GRIA1: variants seen among roughly 807,000 people sequenced by gnomAD.
GRIA1 encodes the protein glutamate receptor 1.
Under a neutral mutation model 99.2 loss-of-function variants are expected in GRIA1, and 31 were observed. That is an observed-to-expected ratio of 0.31 (90% CI 0.23 to 0.42). GRIA1 has a LOEUF of 0.42. GRIA1 is among the 10% of genes least tolerant of loss of function. The pLI, the probability that GRIA1 is intolerant of heterozygous loss-of-function variation, is 1.00. For synonymous variants in GRIA1, 438 were observed against 432.4 expected, an observed-to-expected ratio of 1.01 and a Z score of -0.16; for missense variants, 782 against 1,157.5, an observed-to-expected ratio of 0.68 and a Z score of 4.71.
chr5:153,741,192 A>T (rs903162002), intron 11 of GRIA1, among the ~76,000 whole-genome samples: 4 of 151,740 alleles, frequency 2.6e-5, no homozygotes, highest in East Asian at 1.9e-4. Flanking sequence ...GCCAGGATGG[A>T]CTCGATCTCC....
At chr5:153,786,276 C>T (rs890455451) in intron 13 of GRIA1, among the ~76,000 whole-genome samples, 1 of 151,960 alleles carries the variant, frequency 6.6e-6, no homozygotes, top group African/African-American at 2.4e-5. Context: ...CTGTTCTAAC[C>T]TCATCTCCCC....
intron 2 of GRIA1, among the ~76,000 whole-genome samples, chr5:153,594,274 A>C (rs1159359092): frequency 6.6e-6 from 1 of 152,130 alleles, no homozygotes; most frequent in Non-Finnish European, 1.5e-5. Flanking sequence ...CTTCAGTTTT[A>C]AGAGATTTTC....
At chr5:153,636,516 G>T (rs981935568) in intron 2 of GRIA1, among the ~76,000 whole-genome samples, 3 of 152,124 alleles carry the variant, frequency 2.0e-5, no homozygotes, top group Non-Finnish European at 4.4e-5. Context: ...TATAAAAGTA[G>T]CACTGAGTAG....
chr5:153,664,996 A>C (rs1372790678), intron 5 of GRIA1, among the ~76,000 whole-genome samples: 1 of 152,246 alleles, frequency 6.6e-6, no homozygotes, highest in Non-Finnish European at 1.5e-5. Context: ...TGGGAACTGT[A>C]GCCATAAGGG....
chr5:153,546,081 A>G (rs765303624), intron 2 of GRIA1, among the ~76,000 whole-genome samples: 31 of 152,180 alleles, frequency 2.0e-4, no homozygotes, highest in Non-Finnish European at 3.2e-4. Context: ...TTCCAATATA[A>G]CAAACATCTT....
chr5:153,557,311 C>T (rs1379019138), intron 2 of GRIA1, among the ~76,000 whole-genome samples: 1 of 152,156 alleles, frequency 6.6e-6, no homozygotes, highest in Non-Finnish European at 1.5e-5. Flanking sequence ...GTCACCCAGG[C>T]TAGAGTGCAA....
At chr5:153,567,396 C>A (rs546568812) in intron 2 of GRIA1, among the ~76,000 whole-genome samples, 1 of 152,224 alleles carries the variant, frequency 6.6e-6, no homozygotes, top group South Asian at 2.1e-4. Context: ...GGTGGGGAGG[C>A]AGCTTTAGGT....
chr5:153,767,135 T>C (rs959565164), intron 12 of GRIA1, among the ~76,000 whole-genome samples: 6 of 152,130 alleles, frequency 3.9e-5, no homozygotes, highest in African/African-American at 1.4e-4. Flanking sequence ...ATTCCTACCC[T>C]AAAGTAAAAC....
chr5:153,707,212 C>T (rs972157511), intron 11 of GRIA1, among the ~76,000 whole-genome samples: 13 of 152,078 alleles, frequency 8.5e-5, no homozygotes, highest in Non-Finnish European at 1.9e-4. Context: ...GGGATTTTAG[C>T]CCCCCACATG....
intron 2 of GRIA1, among the ~76,000 whole-genome samples, chr5:153,520,744 T>G (rs1000401826): frequency 3.3e-5 from 5 of 152,196 alleles, no homozygotes; most frequent in Non-Finnish European, 1.5e-5. Context: ...AGAACCTGGA[T>G]TTCTTACTCA....
At chr5:153,722,633 T>G (rs1363034758) in intron 11 of GRIA1, among the ~76,000 whole-genome samples, 1 of 152,232 alleles carries the variant, frequency 6.6e-6, no homozygotes, top group Non-Finnish European at 1.5e-5. Flanking sequence ...GGTCTGTGTC[T>G]GGATTCTTGA....
intron 2 of GRIA1, among the ~76,000 whole-genome samples, chr5:153,518,450 T>G (rs1408670972): frequency 6.6e-6 from 1 of 152,194 alleles, no homozygotes; most frequent in African/African-American, 2.4e-5. Flanking sequence ...AAGTGGCTAT[T>G]TCTTTCTACC....
intron 11 of GRIA1, among the ~76,000 whole-genome samples, chr5:153,750,683 C>A (rs76760125): frequency 0.074 from 11,324 of 152,240 alleles, 569 homozygotes; most frequent in South Asian, 0.16. Flanking sequence ...GTGCATACCT[C>A]CATCCTGAAG....
At chr5:153,557,467 AT>A (rs1369090557) in intron 2 of GRIA1, among the ~76,000 whole-genome samples, 9 of 152,112 alleles carry the variant, frequency 5.9e-5, no homozygotes, top group Admixed American at 5.9e-4. Flanking sequence ...GCTTACTGTA[AT>A]TTTTTACTGT....
intron 13 of GRIA1, among the ~76,000 whole-genome samples, chr5:153,783,930 G>A (rs558805717): frequency 8.5e-5 from 13 of 152,320 alleles, no homozygotes; most frequent in South Asian, 2.1e-4. Context: ...CATCAGAAGC[G>A]TGTAAGATGA....
chr5:153,537,507 G>A (rs1047499280), intron 2 of GRIA1, among the ~76,000 whole-genome samples: 2 of 152,134 alleles, frequency 1.3e-5, no homozygotes, highest in Non-Finnish European at 2.9e-5. Flanking sequence ...CGCTGCCTGG[G>A]TCCCTTTCTG....
At chr5:153,598,049 G>C (rs1274164340) in intron 2 of GRIA1, among the ~76,000 whole-genome samples, 1 of 151,888 alleles carries the variant, frequency 6.6e-6, no homozygotes, top group African/African-American at 2.4e-5. Context: ...CAGATCTAGA[G>C]AATGACATGT....
At chr5:153,747,648 C>G (rs960776896) in intron 11 of GRIA1, among the ~76,000 whole-genome samples, 2 of 152,230 alleles carry the variant, frequency 1.3e-5, no homozygotes, top group Admixed American at 1.3e-4. Flanking sequence ...GCTTCCACAC[C>G]ATAGTACAGG....
Position 153,646,717 on chromosome 5 carries a change from G to C in GRIA1, c.221-211G>C, listed in dbSNP as rs1188486187. 5.9e-5 allele frequency among the ~76,000 whole-genome samples: 9 copies of C among 152,318 alleles called. No homozygotes were observed. The South Asian group carries it at 1.7e-3, about 28-fold the overall frequency. On this transcript the variant is annotated intron_variant, in intron 2 of 15. Transcript: ENST00000285900. ...AACAGGTGAATGTGTGAGTGGGGTA[G>C]TTAGATGGGTAGGATGGATGGACAG...
Sources: gnomAD v4.1 joint callset for allele counts (sites outside exome capture counted in the v4.1 genomes callset) on GRCh38, gnomAD v4.1.1 for gene constraint, MANE v1.5 for transcripts, NCBI Gene and HGNC (gene_info 2026-07-23, HGNC 2026-07-21) for gene names.